ALPK3: variants seen among roughly 807,000 people sequenced by gnomAD.
The protein encoded by ALPK3 is alpha kinase 3.
A neutral mutation model predicts 140.0 loss-of-function variants in ALPK3; 102 were observed. The observed-to-expected ratio is 0.73, with a 90% CI of 0.62 to 0.86. The LOEUF is 0.86. ALPK3 is among the 40% of genes least tolerant of loss of function. The probability of loss-of-function intolerance (pLI) is 0.00; values close to 1 mark genes in which losing one functional copy is unlikely to be tolerated. For synonymous variants in ALPK3, 938 were observed against 898.5 expected (o/e 1.04, Z -0.79); for missense variants, 2,254 against 2,208.2 (o/e 1.02, Z -0.42).
At chr15:84,852,932 G>C (rs998377980) in intron 5 of ALPK3, among the ~76,000 whole-genome samples, 2 of 152,222 alleles carry the variant, frequency 1.3e-5, no homozygotes, top group African/African-American at 4.8e-5. Context: ...AGGCTTTACA[G>C]TAGTCCAGGC....
chr15:84,844,375 C>G (rs1344143510), intron 5 of ALPK3, among the ~76,000 whole-genome samples: 4 of 151,870 alleles, frequency 2.6e-5, no homozygotes, highest in South Asian at 2.1e-4. Context: ...CTACTGCACT[C>G]CAGCCTCGGT....
Position 84,858,249 on chromosome 15 carries a change from A to G in ALPK3, c.3511A>G (p.Lys1171Glu), listed in dbSNP as rs1567094154. The G allele has an allele frequency of 4.4e-6, 7 of 1,606,678 alleles. No homozygotes were observed. The highest frequency in any genetic ancestry group is 2.3e-5 in the East Asian group (1 of 44,418). Residue 1171 changes from lysine (K) to glutamate (E), a missense_variant, in exon 6 of 14, where the codon AAG becomes GAG. Lys to Glu is a moderately conservative substitution (Grantham distance 56, BLOSUM62 1). Around this residue, in one of 3 missense-constraint regions of ALPK3, gnomAD observed 2,088 missense variants for 2,022.9 expected, o/e 1.03. Transcript: ENST00000258888. ...GGCCCGGAGGAAGAGATTTCTCCCT[A>G]AGGTCAGAGCAGCAGGAGACGGGGA... ...LGARRKRFLP[K>E]VRAAGDGEAT...
intron 5 of ALPK3, among the ~76,000 whole-genome samples, chr15:84,841,190 C>T (rs2141557717): frequency 6.6e-6 from 1 of 152,182 alleles, no homozygotes; most frequent in Non-Finnish European, 1.5e-5. Flanking sequence ...GGACTGTGCC[C>T]CGGAGGGAGA....
At chr15:84,842,430 C>G (rs1317415122) in intron 5 of ALPK3, among the ~76,000 whole-genome samples, 2 of 152,162 alleles carry the variant, frequency 1.3e-5, no homozygotes, top group Non-Finnish European at 2.9e-5. Flanking sequence ...ATAGAGGAAG[C>G]AGTTATAGAT....
At chr15:84,846,841 T>G (rs1276677589) in intron 5 of ALPK3, among the ~76,000 whole-genome samples, 1 of 152,156 alleles carries the variant, frequency 6.6e-6, no homozygotes, top group African/African-American at 2.4e-5. Flanking sequence ...CTCGGTTCAC[T>G]GCAACCTTCA....
chr15:84,853,809 AT>A lies in ALPK3; in HGVS notation c.1654-2581del, dbSNP rs1839815115. Among the ~76,000 whole-genome samples, 5 of 152,094 alleles carry A rather than the reference AT, an allele frequency of 3.3e-5. 1 individual carries two copies. Among genetic ancestry groups the A allele is most frequent in the African/African-American group, 1.2e-4 (5 of 41,512 alleles). On this transcript the variant is annotated intron_variant, in intron 5 of 13. Transcript: ENST00000258888. ...TCCTTCAGTCAGACTTATTCCTGATATTCGCCAAACTCTAATGTTTCCCACA... is the reference window on the plus strand; with the variant it reads ...TCCTTCAGTCAGACTTATTCCTGATATCGCCAAACTCTAATGTTTCCCACA...
intron 5 of ALPK3, among the ~76,000 whole-genome samples, chr15:84,854,049 A>G (rs1320639263): frequency 1.3e-5 from 2 of 152,050 alleles, no homozygotes; most frequent in Non-Finnish European, 2.9e-5. Flanking sequence ...CTAATTTAGT[A>G]AAGTAACTTT....
At chr15:84,835,628 A>G (rs1002683046) in intron 3 of ALPK3, among the ~76,000 whole-genome samples, 38 of 152,216 alleles carry the variant, frequency 2.5e-4, no homozygotes, top group Non-Finnish European at 4.7e-4. Flanking sequence ...GAAATAGTCA[A>G]TGACAGTATT....
chr15:84,850,468 C>G (rs553067635), intron 5 of ALPK3, among the ~76,000 whole-genome samples: 2 of 152,114 alleles, frequency 1.3e-5, no homozygotes, highest in African/African-American at 2.4e-5. Context: ...ACTGCAGCCT[C>G]GAACTCCTGG....
intron 5 of ALPK3, 120 bp from the exon 6 acceptor site, chr15:84,856,272 G>C: frequency 7.0e-7 from 1 of 1,421,550 alleles, no homozygotes; most frequent in Non-Finnish European, 9.5e-7. Context: ...TGAGAAACCA[G>C]GAGGCAAGAT....
intron 4 of ALPK3, 146 bp downstream of exon 4, chr15:84,839,243 CA>C: frequency 4.2e-6 from 3 of 708,848 alleles, no homozygotes; most frequent in Non-Finnish European, 7.0e-6. Flanking sequence ...GTGGTTGAAC[CA>C]CCTGGTGAAC....
At chr15:84,818,759 T>TG (rs1963390259) in intron 1 of ALPK3, among the ~76,000 whole-genome samples, 1 of 152,226 alleles carries the variant, frequency 6.6e-6, no homozygotes, top group Admixed American at 6.5e-5. Flanking sequence ...GTCACATGTC[T>TG]GGGGCAGGGC....
rs775741954 is a variant in ALPK3 at position 84,857,817 on chromosome 15, G to A, written c.3079G>A (p.Ala1027Thr). 6.2e-7 allele frequency: 1 copy of A among 1,611,138 alleles called. No individual in the cohort carries two copies. The highest frequency in any genetic ancestry group is 1.7e-5 in the Admixed American group (1 of 59,902). The change falls in exon 6 of 14, where the codon GCA becomes ACA. Residue 1027 changes from alanine to threonine, a missense_variant. This residue lies in a region of ALPK3 where 2,088 missense variants were observed against 2,022.9 expected (regional missense o/e 1.03). Coordinates refer to ENST00000258888, the MANE Select transcript of ALPK3 (RefSeq NM_020778.5). ...RVENNHLVQS[A>T]QTLLLSPCTS... is the part of the protein sequence containing the mutation. ...GGAGAACAACCACCTGGTGCAGAGT[G>A]CACAGACCCTGCTGCTGAGCCCCTG... is the stretch of plus-strand genomic sequence containing the variant.
At chr15:84,850,898 A>T (rs1963795892) in intron 5 of ALPK3, among the ~76,000 whole-genome samples, 1 of 151,846 alleles carries the variant, frequency 6.6e-6, no homozygotes, top group African/African-American at 2.4e-5. Context: ...ACACACACAC[A>T]CACACACACA....
Position 84,862,915 on chromosome 15 carries a change from G to C in ALPK3, c.4410G>C (p.Gln1470His). ...GCAGAAACTACGACGTCACCATCCA[G>C]GTACTATGTCCCATCTTCACACCCC... ...LVGRNYDVTIQGCKIQNMSRE... is the reference protein window; with the variant it reads ...LVGRNYDVTIHGCKIQNMSRE... The change falls in exon 10 of 14, where the codon CAG becomes CAC. Residue 1470 changes from glutamine (Q) to histidine (H), a missense_variant and splice_region_variant. Around this residue, in one of 3 missense-constraint regions of ALPK3, gnomAD observed 2,088 missense variants for 2,022.9 expected, o/e 1.03. Coordinates refer to ENST00000258888, the MANE Select transcript of ALPK3 (RefSeq NM_020778.5). 6.2e-7 allele frequency: 1 copy of C among 1,612,884 alleles called. No individual in the cohort carries two copies.
chr15:84,837,039 T>C (rs144569903), intron 3 of ALPK3, among the ~76,000 whole-genome samples: 1 of 152,224 alleles, frequency 6.6e-6, no homozygotes, highest in East Asian at 1.9e-4. Flanking sequence ...GGAATTGGAT[T>C]TGGCAATGTA....
At chr15:84,867,210 C>G (rs1048662454) in intron 12 of ALPK3, 107 bp from the exon 13 acceptor site, 1 of 1,093,240 alleles carries the variant, frequency 9.1e-7, no homozygotes, top group Non-Finnish European at 1.3e-6. Flanking sequence ...ATGTCTCCAG[C>G]AGGAAGAGAC....
rs774190152 is a variant in ALPK3, at chr15:84,856,556, CAAG to C, written c.1824_1826del (p.Lys608del). On this transcript the variant is annotated inframe_deletion, in exon 6 of 14. Transcript: ENST00000258888. ...CATCTGCTAACCAGAGAACTGGAAG[CAAG>C]AAGAATGTGCAGGCAGATGGGAAGA... is the stretch of plus-strand genomic sequence containing the variant. The C allele has an allele frequency of 6.2e-7, 1 of 1,613,936 alleles. No homozygotes were observed. The highest frequency in any genetic ancestry group is 8.5e-7 in the Non-Finnish European group (1 of 1,180,020).
chr15:84,834,637 G>A (rs1489358530), intron 3 of ALPK3, among the ~76,000 whole-genome samples: 1 of 152,248 alleles, frequency 6.6e-6, no homozygotes, highest in East Asian at 1.9e-4. Context: ...CGGAGCTTCT[G>A]TGAACTGGGA....
Sources: allele counts gnomAD v4.1 joint callset (sites outside exome capture counted in the v4.1 genomes callset), GRCh38; gene constraint gnomAD v4.1.1; regional missense constraint gnomAD v4.1.1; transcripts MANE v1.5; gene names NCBI Gene and HGNC (gene_info 2026-07-23, HGNC 2026-07-21).